PIGN: variants seen among roughly 807,000 people sequenced by gnomAD.
PIGN encodes GPI ethanolamine phosphate transferase 1.
Under a neutral mutation model 125.4 loss-of-function variants are expected in PIGN, and 117 were observed. That is an observed-to-expected ratio of 0.93 (90% CI 0.80 to 1.09). The LOEUF (loss-of-function observed/expected upper bound fraction) is 1.09, where lower values mean the gene tolerates loss of function less well. Among genes scored for constraint, PIGN ranks in the 50% least tolerant of loss-of-function variants. PIGN has a pLI of 0.00. For missense variants in PIGN, 1,075 were observed against 1,094.9 expected, an observed-to-expected ratio of 0.98 and a Z score of 0.26; for synonymous variants, 392 against 377.8, an observed-to-expected ratio of 1.04 and a Z score of -0.44.
In PIGN at chr18:62,088,835, C is replaced by T; in HGVS notation, c.2291G>A (p.Ser764Asn). The change falls in exon 25 of 31, where the codon AGT (serine) becomes AAT (asparagine). Residue 764 changes from serine to asparagine, a missense_variant. Physicochemically the swap from Ser to Asn is conservative, Grantham distance 46. Around this residue, in one of 3 missense-constraint regions of PIGN, gnomAD observed 915 missense variants for 908.7 expected, o/e 1.01. Transcript: ENST00000640252. ...ATCAGTATTATAAGAGAACTGGATA[C>T]TGGTGAGCTGTGAGATAATAAGAAA... is the stretch of plus-strand genomic sequence containing the variant. ...SGVCCKQKLT[S>N]IQFSYNTDIT... 6.5e-7 allele frequency: 1 copy of T among 1,531,408 alleles called. No individual in the cohort carries two copies. The highest frequency in any genetic ancestry group is 8.9e-7 in the Non-Finnish European group (1 of 1,125,652). 94.9% of individuals were successfully genotyped at this position (1,531,408 alleles called of 1,614,324 possible).
chr18:62,169,362 T>C (rs2147792421), intron 1 of PIGN, among the ~76,000 whole-genome samples: 1 of 152,350 alleles, frequency 6.6e-6, no homozygotes, highest in Non-Finnish European at 1.5e-5. Flanking sequence ...TAACAGACAC[T>C]TGTGTTGTTT....
At chr18:62,024,195 C>T (rs541040284) in intron 23 of PIGN, among the ~76,000 whole-genome samples, 36 of 152,114 alleles carry the variant, frequency 2.4e-4, no homozygotes, top group African/African-American at 4.3e-4. Flanking sequence ...TGAAACCCTA[C>T]GAACAAGTAA....
intron 14 of PIGN, among the ~76,000 whole-genome samples, chr18:62,118,189 A>G (rs2035161601): frequency 1.3e-5 from 2 of 152,318 alleles, no homozygotes; most frequent in South Asian, 4.1e-4. Flanking sequence ...AAAGAAAAAG[A>G]CTATAAGACT....
intron 14 of PIGN, chr18:62,137,290 G>C: frequency 2.4e-6 from 1 of 414,034 alleles, no homozygotes; most frequent in Non-Finnish European, 4.3e-6. Context: ...TTTGGCCACA[G>C]ACTGAAGGCT....
chr18:62,181,918 G>T (rs529426173), intron 1 of PIGN, among the ~76,000 whole-genome samples: 2 of 152,166 alleles, frequency 1.3e-5, no homozygotes, highest in East Asian at 3.9e-4. Flanking sequence ...TAGAGACAGG[G>T]TTTCACCATG....
intron 23 of PIGN, among the ~76,000 whole-genome samples, chr18:62,032,656 A>G (rs912510841): frequency 2.6e-5 from 4 of 152,260 alleles, no homozygotes; most frequent in Admixed American, 2.6e-4. Context: ...CTATGCATTT[A>G]AAATTTTTTT....
At position 62,105,526 on chromosome 18, in the gene PIGN, T is replaced by C. The variant is rs75516428; in HGVS notation, c.1859+17A>G. ...AAAGTGTATTGAAAATAGAATAAAA[T>C]ACAATATTATTCATACACTAGAGAG... On this transcript the variant is annotated intron_variant, in intron 20 of 30. Coordinates refer to ENST00000640252, the MANE Select transcript of PIGN (RefSeq NM_176787.5). The C allele has an allele frequency of 0.036, 50,408 of 1,388,566 alleles. 1,488 individuals carry two copies. Among genetic ancestry groups the C allele is most frequent in the African/African-American group, 0.15 (10,169 of 69,916 alleles). 86.0% of individuals were successfully genotyped at this position (1,388,566 alleles called of 1,614,324 possible).
At chr18:62,071,892 A>G (rs916055171) in intron 30 of PIGN, among the ~76,000 whole-genome samples, 23 of 130,476 alleles carry the variant, frequency 1.8e-4, no homozygotes, top group African/African-American at 6.6e-4. Flanking sequence ...ATATATATAT[A>G]TATATATATA....
Position 62,132,875 on chromosome 18 carries a change from T to C in PIGN, c.1172+5368A>G, listed in dbSNP as rs575888842. On this transcript the variant is annotated intron_variant, in intron 14 of 30. Coordinates refer to ENST00000640252, the MANE Select transcript of PIGN (RefSeq NM_176787.5). ...AGCCTTATTTTTTCCAAATGGTCAA[T>C]TTTCTTAGTACAAATCTTTCTCCTA... Among the ~76,000 whole-genome samples, 13 of 152,296 alleles carry C rather than the reference T, an allele frequency of 8.5e-5. No homozygotes were observed. The South Asian group carries it at 2.7e-3, about 32-fold the overall frequency.
Position 62,138,302 on chromosome 18 carries a change from G to A in PIGN, c.1117-4C>T, listed in dbSNP as rs778194341. 2.6e-6 allele frequency: 4 copies of A among 1,534,708 alleles called. No homozygotes were observed. Among genetic ancestry groups the A allele is most frequent in the Non-Finnish European group, 3.5e-6 (4 of 1,138,896 alleles). On this transcript the variant is annotated splice_polypyrimidine_tract_variant and splice_region_variant and intron_variant, in intron 13 of 30. Transcript: ENST00000640252. ...CTTTCTTCTGAGTCATTTTCACCTG[G>A]GAACCAAGTATGAAAATATTACAAA...
intron 28 of PIGN, among the ~76,000 whole-genome samples, chr18:62,077,230 T>A (rs1054867041): frequency 6.6e-6 from 1 of 151,932 alleles, no homozygotes; most frequent in African/African-American, 2.4e-5. Flanking sequence ...ATAGAAAAAT[T>A]AGGCAGGTGT....
intron 24 of PIGN, 30 bp from the exon 25 acceptor site, chr18:62,088,872 A>G (rs2033833865): frequency 1.6e-6 from 2 of 1,243,206 alleles, no homozygotes; most frequent in African/African-American, 1.5e-5. Context: ...ATATTAATGC[A>G]CAATAACAGT....
chr18:62,156,582 C>CA (rs1305138619), intron 6 of PIGN, among the ~76,000 whole-genome samples: 1 of 152,166 alleles, frequency 6.6e-6, no homozygotes, highest in Non-Finnish European at 1.5e-5. Context: ...CCACCTGCCT[C>CA]AGCCTCCCAA....
At position 62,154,864 on chromosome 18, in the gene PIGN, C is replaced by T. The variant is rs146563632; in HGVS notation, c.443-213G>A. On this transcript the variant is annotated intron_variant, in intron 6 of 30. Coordinates refer to ENST00000640252, the MANE Select transcript of PIGN (RefSeq NM_176787.5). ...CTACATACTTTAATGTATTCTATTG[C>T]TTTTTGTCCTCAAAAATAACATATT... Among the ~76,000 whole-genome samples the T allele has an allele frequency of 1.4e-4, 21 of 152,212 alleles. No homozygotes were observed. In the East Asian group the frequency reaches 4.1e-3, roughly 29 times the overall value.
Position 62,041,637 on chromosome 18 carries a change from CCGGGTG to C in PIGN, c.*4213_*4218del, listed in dbSNP as rs2030373524. The C allele has an allele frequency of 1.1e-5, 1 of 94,232 alleles. No homozygotes were observed. Among genetic ancestry groups the C allele is most frequent in the Non-Finnish European group, 2.3e-5 (1 of 42,776 alleles). 5.8% of individuals were successfully genotyped at this position (94,232 alleles called of 1,614,324 possible). ...AGGATTACAGGAGCCTACCACCCCGCCGGGTGTGTGTGTGTGTGTGTGTGTGTGTGT... is the reference window on the plus strand; with the variant it reads ...AGGATTACAGGAGCCTACCACCCCGCTGTGTGTGTGTGTGTGTGTGTGTGT... On this transcript the variant is annotated 3_prime_UTR_variant, in exon 31 of 31. Coordinates refer to ENST00000640252, the MANE Select transcript of PIGN (RefSeq NM_176787.5).
chr18:62,032,394 T>C (rs545724719), intron 23 of PIGN, among the ~76,000 whole-genome samples: 1 of 152,388 alleles, frequency 6.6e-6, no homozygotes, highest in Non-Finnish European at 1.5e-5. Flanking sequence ...ACATGCCATC[T>C]GGAACGCAGC....
Position 62,041,272 on chromosome 18 carries a change from T to C in PIGN, c.*4584A>G, listed in dbSNP as rs1020008182. ...AGACAATGAGCCATGATGAACCGAATGCAATCTGGTACCACTGGCCTTTCC... is the reference window on the plus strand; with the variant it reads ...AGACAATGAGCCATGATGAACCGAACGCAATCTGGTACCACTGGCCTTTCC... On this transcript the variant is annotated 3_prime_UTR_variant, in exon 31 of 31. Coordinates refer to ENST00000640252, the MANE Select transcript of PIGN (RefSeq NM_176787.5). The C allele has an allele frequency of 3.9e-5, 6 of 152,220 alleles. No individual in the cohort carries two copies. The highest frequency in any genetic ancestry group is 3.8e-4 in the East Asian group (2 of 5,202). 9.4% of individuals were successfully genotyped at this position (152,220 alleles called of 1,614,324 possible).
At chr18:62,108,172 C>G (rs946553312) in intron 17 of PIGN, among the ~76,000 whole-genome samples, 1 of 152,088 alleles carries the variant, frequency 6.6e-6, no homozygotes, top group African/African-American at 2.4e-5. Flanking sequence ...TTATTCTTAA[C>G]AATGAATAAG....
intron 23 of PIGN, among the ~76,000 whole-genome samples, chr18:62,028,387 G>A (rs2030151506): frequency 6.6e-6 from 1 of 152,178 alleles, no homozygotes; most frequent in Admixed American, 6.5e-5. Context: ...GTAGGCTTTG[G>A]TCATTTAGAC....
Sources: allele counts gnomAD v4.1 joint callset (sites outside exome capture counted in the v4.1 genomes callset), GRCh38; gene constraint gnomAD v4.1.1; regional missense constraint gnomAD v4.1.1; transcripts MANE v1.5; gene names NCBI Gene and HGNC (gene_info 2026-07-23, HGNC 2026-07-21).